The following ADAMTSL3 variants were observed in gnomAD, a reference collection of about 807,000 sequenced individuals.
ADAMTSL3 encodes the protein ADAMTS-like protein 3.
Under a neutral mutation model 201.7 loss-of-function variants are expected in ADAMTSL3, and 128 were observed. The observed-to-expected ratio is 0.63, with a 90% CI of 0.55 to 0.73. ADAMTSL3 has a LOEUF of 0.73. Among genes scored for constraint, ADAMTSL3 ranks in the 30% least tolerant of loss-of-function variants. The pLI is 0.00. For missense variants in ADAMTSL3, 1,990 were observed against 2,119.6 expected (o/e 0.94, Z 1.20); for synonymous variants, 738 against 748.4 (o/e 0.99, Z 0.23).
Position 83,855,785 on chromosome 15 carries a change from T to C in ADAMTSL3, c.728-2981T>C, listed in dbSNP as rs76727061. Among the ~76,000 whole-genome samples the C allele has an allele frequency of 7.6e-3, 1,155 of 152,334 alleles. 10 individuals are homozygous for C. Among genetic ancestry groups the C allele is most frequent in the African/African-American group, 0.026 (1,069 of 41,584 alleles). On this transcript the variant is annotated intron_variant, in intron 7 of 29. Transcript: ENST00000286744. ...TCTGACCATGTTTTTACTGATTTTA[T>C]GGAGGAGAGGATTTTTCAGAAGTCT... is the stretch of plus-strand genomic sequence containing the variant.
At chr15:84,026,010 G>T (rs938001283) in intron 27 of ADAMTSL3, among the ~76,000 whole-genome samples, 1 of 152,102 alleles carries the variant, frequency 6.6e-6, no homozygotes, top group African/African-American at 2.4e-5. Context: ...AGAACTTTTT[G>T]TGGAATTAAA....
chr15:83,720,970 A>AT (rs772115834), intron 3 of ADAMTSL3, among the ~76,000 whole-genome samples: 3 of 152,206 alleles, frequency 2.0e-5, no homozygotes, highest in Non-Finnish European at 4.4e-5. Context: ...AAAATATTTC[A>AT]TTAAACTTGC....
chr15:83,858,909 C>CAA (rs142508012), intron 8 of ADAMTSL3, 69 bp downstream of exon 8: 2 of 1,353,058 alleles, frequency 1.5e-6, no homozygotes, highest in East Asian at 4.7e-5. Context: ...AAACAAAAAA[C>CAA]AAAAAACCCA....
intron 3 of ADAMTSL3, among the ~76,000 whole-genome samples, chr15:83,738,098 T>C (rs915942958): frequency 3.3e-5 from 5 of 152,048 alleles, no homozygotes; most frequent in African/African-American, 1.2e-4. Flanking sequence ...AAAGCAATAA[T>C]AACAACAAAA....
At chr15:83,924,169 C>T (rs1205346375) in intron 17 of ADAMTSL3, 136 bp downstream of exon 17, 3 of 1,199,484 alleles carry the variant, frequency 2.5e-6, no homozygotes, top group East Asian at 5.1e-5. Flanking sequence ...GCTCTCTTTG[C>T]TCAAGTTATG....
chr15:83,908,009 G>GT (rs1224735474), intron 15 of ADAMTSL3, among the ~76,000 whole-genome samples: 1 of 152,160 alleles, frequency 6.6e-6, no homozygotes, highest in Non-Finnish European at 1.5e-5. Flanking sequence ...CCCAAGATAT[G>GT]TTTTTCTTTC....
chr15:83,672,750 T>C (rs2061344601), intron 2 of ADAMTSL3, among the ~76,000 whole-genome samples: 1 of 152,094 alleles, frequency 6.6e-6, no homozygotes, highest in Non-Finnish European at 1.5e-5. Flanking sequence ...CAGGGATAGG[T>C]GGGACATTTG....
At chr15:83,823,066 G>A (rs962820233) in intron 6 of ADAMTSL3, among the ~76,000 whole-genome samples, 7 of 150,980 alleles carry the variant, frequency 4.6e-5, no homozygotes, top group Admixed American at 3.3e-4. Context: ...GTGGCGGCGC[G>A]CGCCTGCAAA....
intron 3 of ADAMTSL3, among the ~76,000 whole-genome samples, chr15:83,748,722 AAC>A (rs964552521): frequency 1.3e-5 from 2 of 152,042 alleles, no homozygotes; most frequent in South Asian, 2.1e-4. Flanking sequence ...AGAAGAAAGA[AAC>A]ACAGCATGCA....
intron 7 of ADAMTSL3, among the ~76,000 whole-genome samples, chr15:83,852,569 A>T (rs1287404444): frequency 6.6e-6 from 1 of 152,156 alleles, no homozygotes; most frequent in African/African-American, 2.4e-5. Flanking sequence ...AAGATACTGT[A>T]ATTTCTCTTC....
intron 4 of ADAMTSL3, among the ~76,000 whole-genome samples, chr15:83,790,852 A>G (rs1210921982): frequency 6.6e-6 from 1 of 152,232 alleles, no homozygotes; most frequent in African/African-American, 2.4e-5. Flanking sequence ...TATTTCTCTT[A>G]CTAGTGATGA....
At chr15:83,952,070 C>T (rs1309102051) in intron 19 of ADAMTSL3, among the ~76,000 whole-genome samples, 2 of 151,994 alleles carry the variant, frequency 1.3e-5, no homozygotes, top group Non-Finnish European at 2.9e-5. Flanking sequence ...AGTTTTTCTT[C>T]TTTTTTGATG....
chr15:83,714,644 T>C (rs557567463), intron 3 of ADAMTSL3, among the ~76,000 whole-genome samples: 1 of 151,976 alleles, frequency 6.6e-6, no homozygotes, highest in South Asian at 2.1e-4. Flanking sequence ...CCTGCTTTCC[T>C]TTCTTTCTCT....
chr15:83,725,259 A>G (rs760322833), intron 3 of ADAMTSL3, among the ~76,000 whole-genome samples: 3 of 151,450 alleles, frequency 2.0e-5, no homozygotes, highest in Non-Finnish European at 3.0e-5. Context: ...AACTGGAGTG[A>G]GATGATATCT....
At chr15:83,699,749 T>C (rs1322439621) in intron 2 of ADAMTSL3, among the ~76,000 whole-genome samples, 1 of 152,208 alleles carries the variant, frequency 6.6e-6, no homozygotes, top group Non-Finnish European at 1.5e-5. Context: ...CCTTTCCACT[T>C]TGGAGCTTTT....
At chr15:83,810,309 G>A (rs1471021853) in intron 5 of ADAMTSL3, among the ~76,000 whole-genome samples, 1 of 152,180 alleles carries the variant, frequency 6.6e-6, no homozygotes, top group Non-Finnish European at 1.5e-5. Context: ...CATTGTGAAT[G>A]CTGGAAGTCC....
At chr15:83,770,925 G>A (rs2062972278) in intron 3 of ADAMTSL3, among the ~76,000 whole-genome samples, 1 of 152,060 alleles carries the variant, frequency 6.6e-6, no homozygotes, top group African/African-American at 2.4e-5. Context: ...AAATTAGCCG[G>A]GTGTGGTGGC....
chr15:83,688,696 CCACTTTCT>C (rs1337700313), intron 2 of ADAMTSL3, among the ~76,000 whole-genome samples: 1 of 150,820 alleles, frequency 6.6e-6, no homozygotes, highest in Non-Finnish European at 1.5e-5. Flanking sequence ...AAATAATTCA[CCACTTTCT>C]CATTGATACA....
Position 83,797,693 on chromosome 15 carries a change from G to A in ADAMTSL3, c.318-6957G>A, listed in dbSNP as rs558892540. Among the ~76,000 whole-genome samples, 12 of 152,276 alleles carry A rather than the reference G, an allele frequency of 7.9e-5. No homozygotes were observed. In the South Asian group the frequency reaches 2.3e-3, roughly 29 times the overall value. ...TAAAATGTCAAATATTGACCTAGAT[G>A]TATAAAAATAAGAACCTTCCTGCAC... On this transcript the variant is annotated intron_variant, in intron 4 of 29. Coordinates refer to ENST00000286744, the MANE Select transcript of ADAMTSL3 (RefSeq NM_207517.3).
Sources: gnomAD v4.1 joint callset for allele counts (sites outside exome capture counted in the v4.1 genomes callset) on GRCh38, gnomAD v4.1.1 for gene constraint, MANE v1.5 for transcripts, NCBI Gene and HGNC (gene_info 2026-07-23, HGNC 2026-07-21) for gene names.